VPS54: variants seen among roughly 807,000 people sequenced by gnomAD.
The protein encoded by VPS54 is VPS54 subunit of GARP complex, also known as vacuolar protein sorting-associated protein 54.
A neutral mutation model predicts 121.5 loss-of-function variants in VPS54; 45 were observed. That is an observed-to-expected ratio of 0.37 (90% CI 0.29 to 0.47). The LOEUF is 0.47. Ranked by LOEUF, VPS54 falls within the 20% of genes least tolerant of loss-of-function variation. The pLI is 0.99. For synonymous variants in VPS54, 371 were observed against 385.8 expected (o/e 0.96, Z 0.45); for missense variants, 1,090 against 1,131.4 (o/e 0.96, Z 0.52).
At chr2:63,999,733 C>T (rs1323606753) in intron 1 of VPS54, among the ~76,000 whole-genome samples, 1 of 152,080 alleles carries the variant, frequency 6.6e-6, no homozygotes, top group African/African-American at 2.4e-5. Flanking sequence ...TTAGATTTGC[C>T]CCTTCAAGGC....
intron 15 of VPS54, among the ~76,000 whole-genome samples, chr2:63,918,455 A>C (rs1673484886): frequency 7.1e-6 from 1 of 141,764 alleles, no homozygotes; most frequent in Non-Finnish European, 1.5e-5. Context: ...TAAGTCTTAT[A>C]ATTTTAAACT....
chr2:63,904,205 C>T (rs1445893099), intron 20 of VPS54, among the ~76,000 whole-genome samples: 1 of 151,892 alleles, frequency 6.6e-6, no homozygotes, highest in Non-Finnish European at 1.5e-5. Flanking sequence ...TTTGGAAGGC[C>T]GAGGTGGGCG....
rs1423366131 is a variant in VPS54, at chr2:63,929,868, G to A, written c.1739+3805C>T. ...CCCACAGAAATACAAACTACCATCA[G>A]AGAATACTACAAACACCTCTACACA... On this transcript the variant is annotated intron_variant, in intron 12 of 22. Transcript: ENST00000272322. 3.9e-5 allele frequency among the ~76,000 whole-genome samples: 6 copies of A among 152,126 alleles called. 1 individual carries two copies. The highest frequency in any genetic ancestry group is 1.4e-4 in the African/African-American group (6 of 41,426).
intron 9 of VPS54, 98 bp downstream of exon 9, chr2:63,947,285 A>C: frequency 8.8e-7 from 1 of 1,136,662 alleles, no homozygotes; most frequent in Non-Finnish European, 1.2e-6. Flanking sequence ...AATGAGCTAT[A>C]TTACTATTAC....
At chr2:63,997,665 T>A (rs943091641) in intron 1 of VPS54, among the ~76,000 whole-genome samples, 3 of 152,134 alleles carry the variant, frequency 2.0e-5, no homozygotes, top group Non-Finnish European at 2.9e-5. Flanking sequence ...GTTTTATTGA[T>A]CTTTTGTCCT....
chr2:63,973,177 A>G (rs1676364651), intron 3 of VPS54, among the ~76,000 whole-genome samples: 1 of 152,204 alleles, frequency 6.6e-6, no homozygotes, highest in African/African-American at 2.4e-5. Flanking sequence ...GTTGTTCTAC[A>G]TCCTTGTCAA....
chr2:63,995,903 G>A (rs1357097563), intron 1 of VPS54, among the ~76,000 whole-genome samples: 4 of 152,210 alleles, frequency 2.6e-5, no homozygotes, highest in Non-Finnish European at 2.9e-5. Context: ...TTTATCCATT[G>A]TGCCTGGAGC....
intron 3 of VPS54, among the ~76,000 whole-genome samples, chr2:63,976,090 T>TA (rs1431877855): frequency 1.3e-5 from 2 of 152,118 alleles, no homozygotes; most frequent in Non-Finnish European, 2.9e-5. Context: ...GTTCTTTTTT[T>TA]AAAAATAATG....
intron 7 of VPS54, among the ~76,000 whole-genome samples, chr2:63,951,486 T>TG: frequency 6.6e-6 from 1 of 152,246 alleles, no homozygotes; most frequent in South Asian, 2.1e-4. Flanking sequence ...CAAACATAGA[T>TG]GACTAGCATC....
chr2:64,013,255 C>G (rs181488519), intron 1 of VPS54, among the ~76,000 whole-genome samples: 15 of 152,246 alleles, frequency 9.9e-5, no homozygotes, highest in Admixed American at 7.2e-4. Context: ...GATGGTCTCA[C>G]CAGAAATGTC....
At chr2:63,991,639 G>T (rs190567667) in intron 1 of VPS54, among the ~76,000 whole-genome samples, 3 of 152,284 alleles carry the variant, frequency 2.0e-5, no homozygotes, top group South Asian at 2.1e-4. Context: ...TCACGTCGTC[G>T]CAAGGTAAAC....
intron 12 of VPS54, 60 bp downstream of exon 12, chr2:63,933,613 T>C (rs1674316074): frequency 6.9e-7 from 1 of 1,459,680 alleles, no homozygotes; most frequent in Non-Finnish European, 9.4e-7. Context: ...TCAATCTTAC[T>C]GAATCCATTA....
chr2:63,962,791 T>C (rs972990951), intron 6 of VPS54, among the ~76,000 whole-genome samples: 10 of 152,130 alleles, frequency 6.6e-5, no homozygotes, highest in Non-Finnish European at 1.2e-4. Context: ...AGAAAGAGAA[T>C]GATCTCCTTA....
chr2:63,918,503 G>A (rs1370831202), intron 15 of VPS54, among the ~76,000 whole-genome samples: 3 of 151,820 alleles, frequency 2.0e-5, no homozygotes, highest in Non-Finnish European at 2.9e-5. Context: ...TTTTCCATCA[G>A]CTCTTGCTAC....
At chr2:63,915,650 AGT>A (rs1461068825) in intron 16 of VPS54, among the ~76,000 whole-genome samples, 2 of 152,190 alleles carry the variant, frequency 1.3e-5, no homozygotes, top group Non-Finnish European at 2.9e-5. Flanking sequence ...GATAACCAGT[AGT>A]TAAGGAGGGA....
At chr2:63,907,809 A>G (rs1305645623) in intron 20 of VPS54, among the ~76,000 whole-genome samples, 2 of 152,196 alleles carry the variant, frequency 1.3e-5, no homozygotes, top group African/African-American at 4.8e-5. Flanking sequence ...ATGGCAAACA[A>G]GCACATGAAA....
intron 1 of VPS54, among the ~76,000 whole-genome samples, chr2:64,017,496 G>A (rs963273014): frequency 6.6e-6 from 1 of 152,094 alleles, no homozygotes; most frequent in Admixed American, 6.5e-5. Context: ...ATAAGCATAT[G>A]CAAAAGTAAT....
At chr2:63,979,672 T>C (rs757987700) in intron 3 of VPS54, among the ~76,000 whole-genome samples, 1 of 152,262 alleles carries the variant, frequency 6.6e-6, no homozygotes, top group African/African-American at 2.4e-5. Flanking sequence ...AATCCTGATA[T>C]GTTGTGTTTT....
At chr2:63,895,841 C>T (rs1047217458) in intron 22 of VPS54, among the ~76,000 whole-genome samples, 2 of 152,112 alleles carry the variant, frequency 1.3e-5, no homozygotes, top group African/African-American at 4.8e-5. Flanking sequence ...GACTGACTTC[C>T]AAATAGCTAT....
Sources: allele counts gnomAD v4.1 joint callset (sites outside exome capture counted in the v4.1 genomes callset), GRCh38; gene constraint gnomAD v4.1.1; transcripts MANE v1.5; gene names NCBI Gene and HGNC (gene_info 2026-07-23, HGNC 2026-07-21).